NFATC1: variants seen among roughly 807,000 people sequenced by gnomAD.
The protein encoded by NFATC1 is nuclear factor of activated T-cells, cytoplasmic 1.
A neutral mutation model predicts 76.0 loss-of-function variants in NFATC1; 22 were observed. The observed-to-expected ratio is 0.29, with a 90% confidence interval of 0.21 to 0.41. The LOEUF is 0.41. Among genes scored for constraint, NFATC1 ranks in the 10% least tolerant of loss-of-function variants. The pLI is 1.00. For missense variants in NFATC1, 1,357 were observed against 1,337.7 expected (o/e 1.01, Z -0.23); for synonymous variants, 704 against 613.1 (o/e 1.15, Z -2.19).
intron 9 of NFATC1, among the ~76,000 whole-genome samples, chr18:79,515,401 A>G (rs1391026537): frequency 3.3e-5 from 5 of 150,808 alleles, no homozygotes; most frequent in African/African-American, 1.2e-4. Flanking sequence ...GGTGGTCTCC[A>G]GCCACCTCCT....
At chr18:79,484,848 G>A (rs558485568) in intron 8 of NFATC1, among the ~76,000 whole-genome samples, 18 of 150,010 alleles carry the variant, frequency 1.2e-4, no homozygotes, top group Admixed American at 2.6e-4. Context: ...GGACCTGTGC[G>A]GGGGGGGAAG....
rs926168788 is a variant in NFATC1, at chr18:79,477,962, G to C, written c.2093-8286G>C. 2.6e-5 allele frequency among the ~76,000 whole-genome samples: 4 copies of C among 152,252 alleles called. No homozygotes were observed. In the East Asian group the frequency reaches 7.7e-4, roughly 29 times the overall value. Reference sequence around the variant, plus strand: ...TACCTCCTGCAAACACCACTCTCAAGTAGAGTCACGCGGACGGGGGTTAGG... The same window carrying C: ...TACCTCCTGCAAACACCACTCTCAACTAGAGTCACGCGGACGGGGGTTAGG... On this transcript the variant is annotated intron_variant, in intron 8 of 9. Coordinates refer to ENST00000427363, the MANE Select transcript of NFATC1 (RefSeq NM_001278669.2).
intron 6 of NFATC1, among the ~76,000 whole-genome samples, chr18:79,454,032 G>C (rs55748815): frequency 0.18 from 27,548 of 152,168 alleles, 2,857 homozygotes; most frequent in East Asian, 0.37. Flanking sequence ...TTGCCCTCTC[G>C]TTTTCTGATG....
chr18:79,414,756 G>A (rs2085819055), intron 2 of NFATC1, among the ~76,000 whole-genome samples: 1 of 152,142 alleles, frequency 6.6e-6, no homozygotes, highest in South Asian at 2.1e-4. Flanking sequence ...GAAAGGAGTG[G>A]TTTTCTTCCC....
chr18:79,468,884 C>G (rs1261673337), intron 8 of NFATC1: 1 of 151,104 alleles, frequency 6.6e-6, no homozygotes, highest in Non-Finnish European at 1.5e-5. Context: ...GGGAGGGCCT[C>G]ATGCTCTGGG....
intron 9 of NFATC1, among the ~76,000 whole-genome samples, chr18:79,490,647 G>C (rs1236999056): frequency 6.6e-6 from 1 of 152,188 alleles, no homozygotes; most frequent in Non-Finnish European, 1.5e-5. Flanking sequence ...CGAGTGGATG[G>C]AGCCTTCACT....
chr18:79,478,488 G>A (rs2089161976), intron 8 of NFATC1, among the ~76,000 whole-genome samples: 1 of 152,184 alleles, frequency 6.6e-6, no homozygotes, highest in African/African-American at 2.4e-5. Flanking sequence ...TGGGGCTTTA[G>A]AACAGGAACC....
At chr18:79,487,430 C>T (rs2089539970) in intron 9 of NFATC1, among the ~76,000 whole-genome samples, 1 of 152,212 alleles carries the variant, frequency 6.6e-6, no homozygotes. Context: ...AATGCAGTGG[C>T]GGCCTTGCCA....
chr18:79,402,912 A>G (rs1163089704), intron 1 of NFATC1, among the ~76,000 whole-genome samples: 1 of 152,282 alleles, frequency 6.6e-6, no homozygotes, highest in Non-Finnish European at 1.5e-5. Context: ...GAACCTGGAT[A>G]TAAATGAATA....
chr18:79,464,903 CGGTGTTGCCCAGGCT>C (rs1026345475), intron 7 of NFATC1, among the ~76,000 whole-genome samples: 2 of 151,442 alleles, frequency 1.3e-5, no homozygotes, highest in Non-Finnish European at 2.9e-5. Context: ...TGGGGCCTCG[CGGTGTTGCCCAGGCT>C]GGTCCTGAAC....
intron 1 of NFATC1, among the ~76,000 whole-genome samples, chr18:79,406,820 G>A (rs756073533): frequency 1.3e-5 from 2 of 152,150 alleles, no homozygotes; most frequent in Non-Finnish European, 2.9e-5. Flanking sequence ...GCGTCCCTGT[G>A]CTTCCCCCGA....
chr18:79,497,157 A>G (rs764641876), intron 9 of NFATC1: 1 of 152,278 alleles, frequency 6.6e-6, no homozygotes, highest in Admixed American at 6.5e-5. Flanking sequence ...GCACGTTTCC[A>G]TAAGAAGGAC....
chr18:79,412,678 T>A (rs2085737924), intron 2 of NFATC1, among the ~76,000 whole-genome samples: 1 of 152,204 alleles, frequency 6.6e-6, no homozygotes, highest in African/African-American at 2.4e-5. Flanking sequence ...GCCTCCAGGC[T>A]GGGAACGAAC....
intron 9 of NFATC1, among the ~76,000 whole-genome samples, chr18:79,502,970 G>C (rs748244207): frequency 4.6e-5 from 7 of 152,192 alleles, no homozygotes; most frequent in Non-Finnish European, 1.0e-4. Flanking sequence ...CCACTCCTAG[G>C]TATGTATTCA....
At chr18:79,436,564 C>T (rs930884146) in intron 3 of NFATC1, among the ~76,000 whole-genome samples, 1 of 152,230 alleles carries the variant, frequency 6.6e-6, no homozygotes, top group African/African-American at 2.4e-5. Context: ...CGCCCGCTGT[C>T]TCCGTCCTCC....
intron 8 of NFATC1, among the ~76,000 whole-genome samples, chr18:79,483,874 G>T (rs1313436052): frequency 4.9e-5 from 7 of 141,858 alleles, no homozygotes; most frequent in Non-Finnish European, 1.1e-4. Flanking sequence ...ACTCCAGCGT[G>T]ACGTGGTTCC....
intron 6 of NFATC1, among the ~76,000 whole-genome samples, chr18:79,457,907 G>A (rs888628491): frequency 6.6e-6 from 1 of 152,214 alleles, no homozygotes; most frequent in Non-Finnish European, 1.5e-5. Flanking sequence ...AGGTCCCCTC[G>A]TTGGCACAGG....
intron 8 of NFATC1, chr18:79,469,477 G>T: frequency 2.0e-6 from 2 of 985,442 alleles, no homozygotes; most frequent in Non-Finnish European, 2.4e-6. Flanking sequence ...AGCCGGTGGG[G>T]CTGAGCCGCT....
At chr18:79,470,026 C>G in intron 8 of NFATC1, 3 of 984,998 alleles carry the variant, frequency 3.0e-6, no homozygotes, top group Non-Finnish European at 3.6e-6. Context: ...CCCAGGTATC[C>G]GTGTTCCGTC....
Sources: allele counts gnomAD v4.1 joint callset (sites outside exome capture counted in the v4.1 genomes callset), GRCh38; gene constraint gnomAD v4.1.1; transcripts MANE v1.5; gene names NCBI Gene and HGNC (gene_info 2026-07-23, HGNC 2026-07-21).